Variants in MCTS1 observed in about 807,000 individuals in gnomAD.
MCTS1 encodes malignant T-cell-amplified sequence 1.
For synonymous variants in MCTS1, 26 were observed against 40.8 expected (o/e 0.64, Z 1.38); for missense variants, 55 against 128.6 (o/e 0.43, Z 2.77).
rs1386511531 is a variant in MCTS1 at position 120,617,125 on chromosome X, GTTTATC to G, written c.*4866_*4871del. 8.9e-6 allele frequency among the ~76,000 whole-genome samples: 1 copy of G among 112,201 alleles called. No individual in the cohort carries two copies. Among genetic ancestry groups the G allele is most frequent in the Non-Finnish European group, 1.9e-5 (1 of 53,251 alleles). Reference sequence around the variant, plus strand: ...CTTAATATCAATATATGCTAAATTGGTTTATCTTTAGGCAGAAACAGAAAGCAAAAA... The same window carrying G: ...CTTAATATCAATATATGCTAAATTGGTTTAGGCAGAAACAGAAAGCAAAAA... On this transcript the variant is annotated 3_prime_UTR_variant, in exon 6 of 6. Transcript: ENST00000371317.
intron 1 of MCTS1, chrX:120,604,947 T>G: frequency 9.5e-7 from 1 of 1,048,808 alleles, no homozygotes; most frequent in Non-Finnish European, 1.3e-6. Flanking sequence ...AAAAAAAATC[T>G]CAGCAGATTA....
In MCTS1 at chrX:120,620,360, T is replaced by C. The variant is rs1325851836; in HGVS notation, c.*8096T>C. Among the ~76,000 whole-genome samples, 1 of 104,256 alleles carries C rather than the reference T, an allele frequency of 9.6e-6. No homozygotes were observed. The highest frequency in any genetic ancestry group is 1.9e-5 in the Non-Finnish European group (1 of 51,406). 90.5% of individuals were successfully genotyped at this position (104,256 alleles called of 115,157 possible). A position where few individuals can be genotyped will look rare whatever the true frequency, so the allele number is the denominator to read the frequency against. ...TTAGCTGGGCATGGTGGCGCGTGCCTGTAATCCCAGCACTTTGGGAGCCAA... is the reference window on the plus strand; with the variant it reads ...TTAGCTGGGCATGGTGGCGCGTGCCCGTAATCCCAGCACTTTGGGAGCCAA... On this transcript the variant is annotated 3_prime_UTR_variant, in exon 6 of 6. Coordinates refer to ENST00000371317, the MANE Select transcript of MCTS1 (RefSeq NM_014060.3).
At chrX:120,610,943 C>T in intron 4 of MCTS1, 68 bp from the exon 5 acceptor site, 1 of 1,094,542 alleles carries the variant, frequency 9.1e-7, no homozygotes, top group South Asian at 1.9e-5. Context: ...CATTATTTGA[C>T]ACCCTTCCCT....
At chrX:120,605,359 C>T (rs1356077561) in intron 1 of MCTS1, 48 bp from the exon 2 acceptor site, 3 of 1,097,939 alleles carry the variant, frequency 2.7e-6, no homozygotes, top group Admixed American at 3.1e-5. Context: ...TATTCTGATA[C>T]CTCTACTTAG....
chrX:120,612,125 C>G, intron 5 of MCTS1, 58 bp from the exon 6 acceptor site: 3 of 840,163 alleles, frequency 3.6e-6, no homozygotes, highest in Non-Finnish European at 5.2e-6. Flanking sequence ...ATATTTATCA[C>G]GAGTAAGACT....
At chrX:120,606,784 CAAAAAAAAAAAAAAA>C (rs763945946) in intron 3 of MCTS1, among the ~76,000 whole-genome samples, 1 of 38,516 alleles carries the variant, frequency 2.6e-5, no homozygotes, top group Non-Finnish European at 4.6e-5. Flanking sequence ...GACTTAGTCT[CAAAAAAAAAAAAAAA>C]AAAAAAAAGA....
Position 120,605,578 on chromosome X carries a change from C to T in MCTS1, c.164+19C>T, listed in dbSNP as rs1926512107. 2 of 1,181,134 alleles carry T rather than the reference C, an allele frequency of 1.7e-6. No homozygotes were observed. The highest frequency in any genetic ancestry group is 2.3e-6 in the Non-Finnish European group (2 of 881,756). On this transcript the variant is annotated intron_variant, in intron 2 of 5. Coordinates refer to ENST00000371317, the MANE Select transcript of MCTS1 (RefSeq NM_014060.3). ...TCCGATGGTAAGTCTTTGTTTTTGT[C>T]TGTGTAAAGCTCGGTATAGCTGAAT...
At chrX:120,604,520 C>A in intron 1 of MCTS1, 1 of 578,949 alleles carries the variant, frequency 1.7e-6, no homozygotes. Flanking sequence ...ATTCTGTCTC[C>A]ATTCCTAGGG....
chrX:120,605,269 T>A (rs1036808185), intron 1 of MCTS1, 138 bp from the exon 2 acceptor site: 38 of 566,390 alleles, frequency 6.7e-5, no homozygotes, highest in East Asian at 1.2e-4. Context: ...TATTTTTTTT[T>A]AAAAGAACAA....
In MCTS1 at chrX:120,612,723, G is replaced by GT. The variant is rs1440553920; in HGVS notation, c.*466dup. 9.6e-6 allele frequency among the ~76,000 whole-genome samples: 1 copy of GT among 104,051 alleles called. No individual in the cohort carries two copies. The highest frequency in any genetic ancestry group is 3.0e-4 in the East Asian group (1 of 3,313). The allele number at this position is 104,051 out of a possible 115,157, so 90.4% of individuals were successfully genotyped here. ...TGTGTGTGTGTGTGTTTTGTTGATT[G>GT]TTTTTTTAAAAAAAACTTCAATGGA... On this transcript the variant is annotated 3_prime_UTR_variant, in exon 6 of 6. Coordinates refer to ENST00000371317, the MANE Select transcript of MCTS1 (RefSeq NM_014060.3).
intron 4 of MCTS1, 189 bp from the exon 5 acceptor site, chrX:120,610,822 C>A: frequency 2.8e-6 from 1 of 363,471 alleles, no homozygotes; most frequent in Non-Finnish European, 4.9e-6. Context: ...TTAGCATTTA[C>A]TGAGTATTTA....
chrX:120,606,272 C>G, intron 3 of MCTS1, 96 bp downstream of exon 3: 1 of 439,450 alleles, frequency 2.3e-6, no homozygotes, highest in Non-Finnish European at 3.7e-6. Context: ...TCAGATAAGA[C>G]ACTGCTGGGG....
chrX:120,606,657 G>T (rs1170095445), intron 3 of MCTS1, among the ~76,000 whole-genome samples: 3 of 110,760 alleles, frequency 2.7e-5, no homozygotes, highest in African/African-American at 9.8e-5. Context: ...GGTCACAGGT[G>T]CCTGTAATCC....
Position 120,618,101 on chromosome X carries a change from A to G in MCTS1, c.*5837A>G, listed in dbSNP as rs1449847531. On this transcript the variant is annotated 3_prime_UTR_variant, in exon 6 of 6. Transcript: ENST00000371317. ...GAGGCTTGGAAACTTGCAAACCAAT[A>G]AGATGATTTAATGATGAAACGGCAT... Among the ~76,000 whole-genome samples the G allele has an allele frequency of 1.8e-5, 2 of 112,595 alleles. No homozygotes were observed. The highest frequency in any genetic ancestry group is 3.7e-5 in the Non-Finnish European group (2 of 53,349).
Position 120,609,148 on chromosome X carries a change from T to C in MCTS1, c.396+790T>C, listed in dbSNP as rs1926617771. On this transcript the variant is annotated intron_variant, in intron 4 of 5. Transcript: ENST00000371317. ...TCGGGTATAGAAAAGGAATGGTACT[T>C]GGTGGGAATAGGGAAACTACTTTTA... Among the ~76,000 whole-genome samples the C allele has an allele frequency of 2.7e-5, 3 of 111,544 alleles. No homozygotes were observed. In the South Asian group the frequency reaches 1.1e-3, roughly 42 times the overall value.
Position 120,605,522 on chromosome X carries a change from A to G in MCTS1, c.127A>G (p.Ile43Val). 2 of 1,201,310 alleles carry G rather than the reference A, an allele frequency of 1.7e-6. No homozygotes were observed. Among genetic ancestry groups the G allele is most frequent in the South Asian group, 1.8e-5 (1 of 54,482 alleles). ...AGGTATTGAACCATGGCTTAATCAA[A>G]TCATGCCTAAGAAAGATCCTGTCAA... ...FPGIEPWLNQ[I>V]MPKKDPVKIV... is the part of the protein sequence containing the mutation. Residue 43 changes from isoleucine (I) to valine (V), a missense_variant, in exon 2 of 6, where the codon ATC becomes GTC. Physicochemically the swap from Ile to Val is conservative, Grantham distance 29. Transcript: ENST00000371317.
Position 120,608,205 on chromosome X carries a change from T to C in MCTS1, c.263-20T>C, listed in dbSNP as rs377241595. 5.2e-6 allele frequency: 6 copies of C among 1,148,719 alleles called. No individual in the cohort carries two copies. The African/African-American group carries it at 7.2e-5, about 14-fold the overall frequency. 94.7% of individuals were successfully genotyped at this position (1,148,719 alleles called of 1,213,427 possible). A position where few individuals can be genotyped will look rare whatever the true frequency, so the allele number is the denominator to read the frequency against. On this transcript the variant is annotated intron_variant, in intron 3 of 5. Transcript: ENST00000371317. ...AGTCATTAGTCTTATTATTAATATATTGTATATCTTTTCTTACAGATCCTT... is the reference window on the plus strand; with the variant it reads ...AGTCATTAGTCTTATTATTAATATACTGTATATCTTTTCTTACAGATCCTT...
intron 4 of MCTS1, 109 bp downstream of exon 4, chrX:120,608,467 A>G: frequency 2.3e-6 from 2 of 851,410 alleles, no homozygotes; most frequent in East Asian, 6.8e-5. Context: ...TTTGAAGGTT[A>G]CTGTTACTCT....
In MCTS1 at chrX:120,604,971, G is replaced by A. The variant is rs1602607017; in HGVS notation, c.12-436G>A. The A allele has an allele frequency of 4.6e-6, 4 of 867,303 alleles. No homozygotes were observed. The East Asian group carries it at 1.2e-4, about 26-fold the overall frequency. The allele number at this position is 867,303 out of a possible 1,213,427, so 71.5% of individuals were successfully genotyped here. A position where few individuals can be genotyped will look rare whatever the true frequency, so the allele number is the denominator to read the frequency against. On this transcript the variant is annotated intron_variant, in intron 1 of 5. Transcript: ENST00000371317. ...CTCAGCAGATTACATAGCCTAGCAG[G>A]GGCCGATTTTCTATGTTATGCTTGG...
Sources: allele counts gnomAD v4.1 joint callset (sites outside exome capture counted in the v4.1 genomes callset), GRCh38; gene constraint gnomAD v4.1.1; transcripts MANE v1.5; gene names NCBI Gene and HGNC (gene_info 2026-07-23, HGNC 2026-07-21).